The following NOD2 variants were observed in gnomAD, a reference collection of about 807,000 sequenced individuals.
The protein encoded by NOD2 is nucleotide binding oligomerization domain containing 2.
Under a neutral mutation model 90.9 loss-of-function variants are expected in NOD2, and 86 were observed. The ratio of observed to expected loss-of-function variants is 0.95; its 90% confidence interval spans 0.79 to 1.13. The LOEUF (loss-of-function observed/expected upper bound fraction) is 1.13. Among genes scored for constraint, NOD2 ranks in the 50% most tolerant of loss-of-function variants. The pLI is 0.00. For missense variants in NOD2, 1,238 were observed against 1,283.8 expected (o/e 0.96, Z 0.55); for synonymous variants, 581 against 554.6 (o/e 1.05, Z -0.67).
intron 10 of NOD2, chr16:50,727,565 T>C: frequency 3.5e-6 from 1 of 286,908 alleles, no homozygotes; most frequent in South Asian, 3.6e-5. Context: ...TGCATCCTCC[T>C]GGTTGTGGAA....
At chr16:50,697,598 C>T (rs1384881575) in intron 1 of NOD2, 17 of 481,826 alleles carry the variant, frequency 3.5e-5, no homozygotes, top group Non-Finnish European at 6.5e-5. Flanking sequence ...CTTCCCCTGT[C>T]CTCGGCCACC....
chr16:50,714,602 CTGTG>C (rs67559630), intron 4 of NOD2, among the ~76,000 whole-genome samples: 7,466 of 135,828 alleles, frequency 0.055, 174 homozygotes, highest in Middle Eastern at 0.12. Flanking sequence ...TGTGAGTGCA[CTGTG>C]TGTGTGTGTG....
At chr16:50,723,170 A>G in intron 8 of NOD2, 131 bp from the exon 9 acceptor site, 1 of 647,430 alleles carries the variant, frequency 1.5e-6, no homozygotes. Context: ...AAGAAAGAGC[A>G]CCGCAATCAA....
intron 1 of NOD2, among the ~76,000 whole-genome samples, chr16:50,698,302 G>C (rs766903208): frequency 1.3e-5 from 2 of 152,148 alleles, no homozygotes; most frequent in African/African-American, 2.4e-5. Context: ...TTCCCAGAAC[G>C]CACAGCAGGT....
intron 4 of NOD2, chr16:50,712,666 T>A: frequency 2.1e-6 from 1 of 472,248 alleles, no homozygotes; most frequent in Non-Finnish European, 3.9e-6. Context: ...ATCTCCATTA[T>A]CCTTGACTTG....
rs199919884 is a variant in NOD2, at chr16:50,719,892, T to C, written c.2550-33T>C. The C allele has an allele frequency of 1.3e-5, 20 of 1,594,570 alleles. No individual in the cohort carries two copies. In the East Asian group the frequency reaches 4.2e-4, roughly 34 times the overall value. On this transcript the variant is annotated intron_variant, in intron 6 of 11. Transcript: ENST00000647318. Reference sequence around the variant, plus strand: ...GGCCCTCCTTTTCTGCCTGCCGCTGTGTTCTCTCAGCCTCCTCTGTCTTCC... The same window carrying C: ...GGCCCTCCTTTTCTGCCTGCCGCTGCGTTCTCTCAGCCTCCTCTGTCTTCC...
At chr16:50,715,420 CTT>C (rs67189633) in intron 4 of NOD2, among the ~76,000 whole-genome samples, 5,049 of 146,714 alleles carry the variant, frequency 0.034, 255 homozygotes, top group African/African-American at 0.11. Flanking sequence ...ATTGTTCCCT[CTT>C]TTTTTTTTTT....
chr16:50,729,840 T>A lies in NOD2; in HGVS notation c.2908T>A (p.Tyr970Asn). 1.2e-6 allele frequency: 2 copies of A among 1,612,826 alleles called. No homozygotes were observed. The highest frequency in any genetic ancestry group is 1.7e-6 in the Non-Finnish European group (2 of 1,179,030). ...ILKLSNNCIT[Y>N]LGAEALLQAL... ...CAGGTTGTCCAATAACTGCATCACC[T>A]ACCTAGGGGCAGAAGCCCTCCTGCA... The change falls in exon 11 of 12, where the codon TAC (tyrosine) becomes AAC (asparagine). Residue 970 changes from tyrosine to asparagine, a missense_variant. Physicochemically the swap from Tyr to Asn is moderately radical, Grantham distance 143. Around this residue, in one of 3 missense-constraint regions of NOD2, gnomAD observed 667 missense variants for 688.7 expected, o/e 0.97. Transcript: ENST00000647318.
In NOD2 at chr16:50,711,470, A is replaced by G. The variant is rs757269951; in HGVS notation, c.1478A>G (p.His493Arg). ...GATATGTACCTGCTGATTCTGCAGC[A>G]TTTTCTGCTGCATGCCACCCCCCCA... Reference protein sequence around the residue: ...TTDMYLLILQHFLLHATPPDS... With the variant: ...TTDMYLLILQRFLLHATPPDS... Residue 493 changes from histidine to arginine, a missense_variant, in exon 4 of 12, where the codon CAT becomes CGT. Physicochemically the swap from His to Arg is conservative, Grantham distance 29. Around this residue, in one of 3 missense-constraint regions of NOD2, gnomAD observed 667 missense variants for 688.7 expected, o/e 0.97. Transcript: ENST00000647318. The G allele has an allele frequency of 2.6e-5, 42 of 1,613,258 alleles. No homozygotes were observed. Among genetic ancestry groups the G allele is most frequent in the Non-Finnish European group, 3.4e-5 (40 of 1,179,970 alleles).
chr16:50,703,594 G>A (rs561960993), intron 2 of NOD2, among the ~76,000 whole-genome samples: 84 of 150,658 alleles, frequency 5.6e-4, no homozygotes, highest in African/African-American at 8.1e-4. Context: ...AGCCGAGATC[G>A]CACTGCTTGA....
In NOD2 at chr16:50,707,974, C is replaced by T. The variant is rs759867574; in HGVS notation, c.565+14C>T. ...TGCCTTTGGAAGGTAGGTGTATGTT[C>T]TCAGTTAATCAGAAAGGGAAGGGCA... On this transcript the variant is annotated intron_variant, in intron 3 of 11. Transcript: ENST00000647318. The T allele has an allele frequency of 1.3e-6, 2 of 1,559,206 alleles. No individual in the cohort carries two copies. The highest frequency in any genetic ancestry group is 1.7e-5 in the Admixed American group (1 of 59,946).
intron 6 of NOD2, among the ~76,000 whole-genome samples, chr16:50,717,307 G>A (rs527946439): frequency 1.3e-5 from 2 of 152,156 alleles, no homozygotes; most frequent in Non-Finnish European, 2.9e-5. Flanking sequence ...CCTGGTGGGG[G>A]AGGCATACAC....
In NOD2 at chr16:50,716,979, G is replaced by T; in HGVS notation, c.2549+5G>T. ...GCAGAACTTCTTGGCATTGAGGTGA[G>T]CCCAGGTTTTCCTTATTCCCTGGAA... On this transcript the variant is annotated splice_donor_5th_base_variant and intron_variant, in intron 6 of 11. Coordinates refer to ENST00000647318, the MANE Select transcript of NOD2 (RefSeq NM_001370466.1). The T allele has an allele frequency of 1.9e-6, 3 of 1,614,068 alleles. No homozygotes were observed. Among genetic ancestry groups the T allele is most frequent in the Non-Finnish European group, 1.7e-6 (2 of 1,179,898 alleles).
intron 5 of NOD2, 97 bp downstream of exon 5, chr16:50,716,767 G>A: frequency 3.4e-6 from 5 of 1,485,504 alleles, no homozygotes; most frequent in Non-Finnish European, 4.7e-6. Context: ...GCTGGGGCAG[G>A]GGCTGTTTGC....
Position 50,711,118 on chromosome 16 carries a change from G to A in NOD2, c.1126G>A (p.Val376Ile), listed in dbSNP as rs1964463483. ...CTGCTCCCCGACCGACCCCACCTCT[G>A]TCCAGACCCTGCTCTTCAACCTTCT... Reference protein sequence around the residue: ...RHCSPTDPTSVQTLLFNLLQG... With the variant: ...RHCSPTDPTSIQTLLFNLLQG... The change falls in exon 4 of 12, where the codon GTC (valine) becomes ATC (isoleucine). Residue 376 changes from valine (V) to isoleucine (I), a missense_variant. Transcript: ENST00000647318. 3 of 1,614,144 alleles carry A rather than the reference G, an allele frequency of 1.9e-6. No individual in the cohort carries two copies. Among genetic ancestry groups the A allele is most frequent in the Non-Finnish European group, 2.5e-6 (3 of 1,180,014 alleles).
intron 1 of NOD2, chr16:50,698,156 T>C (rs1001627918): frequency 3.9e-5 from 6 of 152,384 alleles, no homozygotes; most frequent in Admixed American, 3.9e-4. Context: ...TTCACTTTCG[T>C]TTCTTCGGGG....
rs1965479463 is a variant in NOD2, at chr16:50,732,152, T to C, written c.*333T>C. The C allele has an allele frequency of 4.9e-6, 2 of 411,310 alleles. No homozygotes were observed. The highest frequency in any genetic ancestry group is 4.1e-5 in the African/African-American group (2 of 48,842). 25.5% of individuals were successfully genotyped at this position (411,310 alleles called of 1,614,324 possible). On this transcript the variant is annotated 3_prime_UTR_variant, in exon 12 of 12. Coordinates refer to ENST00000647318, the MANE Select transcript of NOD2 (RefSeq NM_001370466.1). ...CTTCCGTGTGGGTCAGTGGGGCCCA[T>C]GGATGTGCTTGTTAACTGAGTGCCT...
intron 6 of NOD2, among the ~76,000 whole-genome samples, chr16:50,718,965 GGAGA>G (rs1277576663): frequency 6.6e-6 from 1 of 152,186 alleles, no homozygotes; most frequent in African/African-American, 2.4e-5. Context: ...CCTGAGTGAA[GGAGA>G]GAGGGAAGGA....
intron 3 of NOD2, among the ~76,000 whole-genome samples, chr16:50,709,537 C>T (rs373864201): frequency 6.6e-6 from 1 of 152,156 alleles, no homozygotes; most frequent in African/African-American, 2.4e-5. Flanking sequence ...AAACACACCC[C>T]GTGCATGAAA....
Sources: allele counts gnomAD v4.1 joint callset (sites outside exome capture counted in the v4.1 genomes callset), GRCh38; gene constraint gnomAD v4.1.1; regional missense constraint gnomAD v4.1.1; transcripts MANE v1.5; gene names NCBI Gene and HGNC (gene_info 2026-07-23, HGNC 2026-07-21).